The following FRMD8 variants were observed in gnomAD, a reference collection of about 807,000 sequenced individuals.
The protein encoded by FRMD8 is FERM domain containing 8, also known as FERM domain-containing protein 8.
Under a neutral mutation model 54.2 loss-of-function variants are expected in FRMD8, and 37 were observed. That is an observed-to-expected ratio of 0.68 (90% CI 0.53 to 0.90). The LOEUF (loss-of-function observed/expected upper bound fraction) is 0.90, where lower values mean the gene tolerates loss of function less well. FRMD8 is among the 40% of genes least tolerant of loss of function. The probability of loss-of-function intolerance (pLI) is 0.00; values close to 1 mark genes in which losing one functional copy is unlikely to be tolerated. For synonymous variants in FRMD8, 246 were observed against 286.9 expected, an observed-to-expected ratio of 0.86 and a Z score of 1.44; for missense variants, 585 against 653.7, an observed-to-expected ratio of 0.89 and a Z score of 1.15.
chr11:65,395,555 G>A (rs887932349), intron 6 of FRMD8, among the ~76,000 whole-genome samples: 13 of 152,028 alleles, frequency 8.6e-5, no homozygotes, highest in African/African-American at 2.9e-4. Context: ...AGAAAAAAAA[G>A]GACTGAGCGC....
chr11:65,406,936 G>A (rs894143140), intron 10 of FRMD8, among the ~76,000 whole-genome samples: 11 of 151,296 alleles, frequency 7.3e-5, no homozygotes, highest in Admixed American at 2.0e-4. Flanking sequence ...ACGAAACTCC[G>A]TCTCAAATAA....
upstream of FRMD8, among the ~76,000 whole-genome samples, chr11:65,384,698 T>A (rs1396712842): frequency 6.6e-6 from 1 of 152,208 alleles, no homozygotes; most frequent in Non-Finnish European, 1.5e-5. Flanking sequence ...AATGCTGTCA[T>A]CTTCTGTGGT....
chr11:65,372,745 A>G, the FRMD8 span, among the ~76,000 whole-genome samples: 1 of 152,222 alleles, frequency 6.6e-6, no homozygotes, highest in African/African-American at 2.4e-5. Context: ...AGCAAACAAC[A>G]GAGGACCACT....
intron 10 of FRMD8, among the ~76,000 whole-genome samples, chr11:65,406,384 C>T (rs1007661492): frequency 3.3e-5 from 5 of 151,760 alleles, no homozygotes; most frequent in Admixed American, 1.3e-4. Context: ...GTAGTAGAGA[C>T]GGGGTTTCAC....
chr11:65,411,067 G>C (rs1856318714), intron 10 of FRMD8, among the ~76,000 whole-genome samples, 175 bp from the exon 11 acceptor site: 1 of 152,214 alleles, frequency 6.6e-6, no homozygotes, highest in African/African-American at 2.4e-5. Context: ...AGGGAGCGCT[G>C]CTTGGGGTAT....
intron 3 of FRMD8, among the ~76,000 whole-genome samples, chr11:65,391,603 T>C (rs1435283280): frequency 3.3e-5 from 5 of 152,058 alleles, no homozygotes; most frequent in African/African-American, 7.2e-5. Flanking sequence ...CTCCGCCTCC[T>C]GGGTTCAAGC....
the FRMD8 span, chr11:65,376,470 G>A: frequency 1.3e-5 from 21 of 1,614,074 alleles, no homozygotes; most frequent in African/African-American, 8.0e-5. Context: ...CGGGAAAGGC[G>A]CGGGCACTGT....
At chr11:65,397,053 C>T (rs1012141228) in intron 7 of FRMD8, 33 bp downstream of exon 7, 185 of 1,228,888 alleles carry the variant, frequency 1.5e-4, no homozygotes, top group Non-Finnish European at 2.0e-4. Flanking sequence ...CCCCCACCCC[C>T]TCCGCAGGCT....
At chr11:65,398,495 C>T (rs1489211424) in intron 7 of FRMD8, among the ~76,000 whole-genome samples, 3 of 152,224 alleles carry the variant, frequency 2.0e-5, no homozygotes, top group Non-Finnish European at 1.5e-5. Flanking sequence ...CCTGGGCCCC[C>T]CAGCAAGGCA....
upstream of FRMD8, among the ~76,000 whole-genome samples, chr11:65,384,440 G>A (rs1032003691): frequency 8.6e-5 from 13 of 151,586 alleles, no homozygotes; most frequent in Admixed American, 2.6e-4. Context: ...CACCACCACC[G>A]CAGACACTCC....
chr11:65,378,475 G>T, the FRMD8 span: 1 of 152,330 alleles, frequency 6.6e-6, no homozygotes, highest in African/African-American at 2.4e-5. Context: ...TGGCCACTTA[G>T]CTTAGGGCTT....
intron 6 of FRMD8, among the ~76,000 whole-genome samples, chr11:65,394,846 G>C (rs1855915934): frequency 6.6e-6 from 1 of 152,238 alleles, no homozygotes; most frequent in African/African-American, 2.4e-5. Flanking sequence ...CGAGTTCTCT[G>C]CTGTGTAAAT....
At chr11:65,380,633 C>G in the FRMD8 span, 27 of 1,290,408 alleles carry the variant, frequency 2.1e-5, no homozygotes, top group Non-Finnish European at 2.5e-5. Context: ...CTGCAGGGCC[C>G]TGATGGGGGT....
At chr11:65,396,502 C>G (rs1470176412) in intron 6 of FRMD8, among the ~76,000 whole-genome samples, 4 of 152,116 alleles carry the variant, frequency 2.6e-5, no homozygotes, top group Non-Finnish European at 4.4e-5. Context: ...GGGGGTGTCA[C>G]CATCCCCACT....
chr11:65,390,684 C>T (rs184854915), intron 3 of FRMD8, among the ~76,000 whole-genome samples: 6 of 152,304 alleles, frequency 3.9e-5, no homozygotes, highest in African/African-American at 7.2e-5. Flanking sequence ...CTTTCACCTC[C>T]GGGCCTCGAG....
Position 65,404,889 on chromosome 11 carries a change from A to C in FRMD8, c.1097A>C (p.Glu366Ala). 6.2e-7 allele frequency: 1 copy of C among 1,613,110 alleles called. No homozygotes were observed. Among genetic ancestry groups the C allele is most frequent in the Non-Finnish European group, 8.5e-7 (1 of 1,179,950 alleles). The change falls in exon 10 of 11, where the codon GAG (glutamate) becomes GCG (alanine). Residue 366 changes from glutamate to alanine, a missense_variant. Transcript: ENST00000317568. The surrounding 1 kb of genome is among the most constrained non-coding windows in gnomAD (Gnocchi z 4.7). ...KQAELMSSLI[E>A]YCIELSQAAE... Reference sequence around the variant, plus strand: ...GCCGAACTGATGAGCAGTCTCATTGAGTACTGCATCGAACTGAGCCAGGCG... The same window carrying C: ...GCCGAACTGATGAGCAGTCTCATTGCGTACTGCATCGAACTGAGCCAGGCG...
the FRMD8 span, chr11:65,375,224 G>C: frequency 6.6e-6 from 1 of 152,292 alleles, no homozygotes; most frequent in Non-Finnish European, 1.5e-5. Flanking sequence ...GCACACGTCT[G>C]TTCAAGCACC....
chr11:65,402,949 G>C (rs1856113690), intron 9 of FRMD8, among the ~76,000 whole-genome samples: 1 of 151,864 alleles, frequency 6.6e-6, no homozygotes, highest in South Asian at 2.1e-4. Flanking sequence ...ACCGAGGCTG[G>C]GGTGCAGTGG....
intron 10 of FRMD8, among the ~76,000 whole-genome samples, chr11:65,409,777 AAG>A (rs1491366827): frequency 6.6e-6 from 1 of 151,870 alleles, no homozygotes; most frequent in Non-Finnish European, 1.5e-5. Context: ...AAAAAAAAAA[AAG>A]AAAAAGAAAA....
Sources: gnomAD v4.1 joint callset for allele counts (sites outside exome capture counted in the v4.1 genomes callset) on GRCh38, gnomAD v4.1.1 for gene constraint, Gnocchi (gnomAD v3.1) non-coding constraint, MANE v1.5 for transcripts, NCBI Gene and HGNC (gene_info 2026-07-23, HGNC 2026-07-21) for gene names.